Variants in CDH23 observed in about 807,000 individuals in gnomAD.
CDH23 encodes the protein cadherin-23.
Under a neutral mutation model 317.1 loss-of-function variants are expected in CDH23, and 189 were observed. The observed-to-expected ratio is 0.60, with a 90% confidence interval of 0.53 to 0.67. The LOEUF is 0.67. Ranked by LOEUF, CDH23 falls within the 30% of genes least tolerant of loss-of-function variation. CDH23 has a pLI of 0.00. For missense variants in CDH23, 4,401 were observed against 4,592.4 expected, an observed-to-expected ratio of 0.96 and a Z score of 1.20; for synonymous variants, 1,839 against 1,876.8, an observed-to-expected ratio of 0.98 and a Z score of 0.52.
intron 38 of CDH23, among the ~76,000 whole-genome samples, chr10:71,766,358 C>T (rs1036490343): frequency 9.9e-5 from 15 of 152,124 alleles, no homozygotes; most frequent in Admixed American, 3.3e-4. Flanking sequence ...CCAGGCCCCC[C>T]GCCCGCCACC....
At chr10:71,566,629 C>A in intron 6 of CDH23, 113 bp from the exon 7 acceptor site, 1 of 926,074 alleles carries the variant, frequency 1.1e-6, no homozygotes, top group Non-Finnish European at 1.5e-6. Context: ...ATGACAAGGC[C>A]TCGGGTCTGG....
intron 38 of CDH23, among the ~76,000 whole-genome samples, chr10:71,759,900 T>TATATATACACACAC (rs1564779297): frequency 2.2e-5 from 1 of 44,972 alleles, no homozygotes; most frequent in Admixed American, 2.4e-4. Flanking sequence ...CACACACACA[T>TATATATACACACAC]ATATACACAC....
Position 71,759,846 on chromosome 10 carries a change from C to CACAT in CDH23, c.4846-17833_4846-17832insCATA, listed in dbSNP as rs776230069. On this transcript the variant is annotated intron_variant, in intron 38 of 69. Transcript: ENST00000224721. ...ACACACACACACACACACACACACA[C>CACAT]ATATACACACACACACACATATATA... 6.2e-4 allele frequency among the ~76,000 whole-genome samples: 37 copies of CACAT among 59,964 alleles called. 1 individual carries two copies. The highest frequency in any genetic ancestry group is 1.7e-3 in the South Asian group (3 of 1,758). The allele number at this position is 59,964 out of a possible 152,430, so 39.3% of individuals were successfully genotyped here.
rs373711734 is a variant in CDH23 at position 71,562,171 on chromosome 10, A to T, written c.430-4571A>T. ...GAACCCCACCCCAGACACCAGAGCG[A>T]CATCTTCCACTCATTCTCCTTGTCC... is the stretch of plus-strand genomic sequence containing the variant. On this transcript the variant is annotated intron_variant, in intron 6 of 69. Transcript: ENST00000224721. Among the ~76,000 whole-genome samples, 17 of 151,080 alleles carry T rather than the reference A, an allele frequency of 1.1e-4. No individual in the cohort carries two copies. In the East Asian group the frequency reaches 2.2e-3, roughly 19 times the overall value.
intron 25 of CDH23, among the ~76,000 whole-genome samples, chr10:71,705,988 C>T (rs1319288776): frequency 3.9e-5 from 6 of 152,102 alleles, no homozygotes; most frequent in African/African-American, 4.8e-5. Flanking sequence ...CCCATTGGTC[C>T]GAAGCTTGCC....
At chr10:71,570,000 A>C (rs1168588322) in intron 7 of CDH23, among the ~76,000 whole-genome samples, 1 of 152,136 alleles carries the variant, frequency 6.6e-6, no homozygotes, top group Non-Finnish European at 1.5e-5. Context: ...TCCTGGGCTC[A>C]AGTGATTGCC....
Position 71,751,991 on chromosome 10 carries a change from C to G in CDH23, c.4845+10070C>G, listed in dbSNP as rs567964395. 1 of 1,056,092 alleles carries G rather than the reference C, an allele frequency of 9.5e-7. No homozygotes were observed. Among genetic ancestry groups the G allele is most frequent in the East Asian group, 2.6e-5 (1 of 38,700 alleles). The allele number at this position is 1,056,092 out of a possible 1,614,324, so 65.4% of individuals were successfully genotyped here. ...CATCCCCAAGCCTCAGCAGCATCTC[C>G]AAGCAAGAAGGCAGGAGCCAGGCCC... On this transcript the variant is annotated intron_variant, in intron 38 of 69. Transcript: ENST00000224721. This position sits in a 1 kb window ranked among gnomAD's most constrained non-coding sequence, Gnocchi z 4.9.
intron 8 of CDH23, among the ~76,000 whole-genome samples, chr10:71,572,958 G>T (rs1037454884): frequency 1.3e-5 from 2 of 152,188 alleles, no homozygotes; most frequent in African/African-American, 4.8e-5. Flanking sequence ...ATAGAACATG[G>T]CAGTGGCTGG....
At chr10:71,681,379 G>A (rs1281223435) in intron 17 of CDH23, among the ~76,000 whole-genome samples, 1 of 152,136 alleles carries the variant, frequency 6.6e-6, no homozygotes, top group Non-Finnish European at 1.5e-5. Context: ...AAGTACTAAT[G>A]GAGAGATTTC....
chr10:71,779,350 C>A lies in CDH23; in HGVS notation c.5271C>A (p.Gly1757=), dbSNP rs1319305321. The A allele has an allele frequency of 1.2e-6, 2 of 1,613,878 alleles. No homozygotes were observed. The highest frequency in any genetic ancestry group is 1.7e-6 in the Non-Finnish European group (2 of 1,179,902). ...AGGGACCATTTGAAGTCACTGAGGGCCAGCCGGGGCCCAGAGTGTGGACCT... is the reference window on the plus strand; with the variant it reads ...AGGGACCATTTGAAGTCACTGAGGGACAGCCGGGGCCCAGAGTGTGGACCT... The part of the protein sequence containing the change: ...DYEGPFEVTE[G]QPGPRVWTFL... The change falls in exon 41 of 70, where the codon GGC becomes GGA. Residue 1757 remains glycine, a synonymous_variant. Coordinates refer to ENST00000224721, the MANE Select transcript of CDH23 (RefSeq NM_022124.6).
intron 9 of CDH23, among the ~76,000 whole-genome samples, chr10:71,611,164 T>A (rs1411273203): frequency 6.6e-6 from 1 of 150,544 alleles, no homozygotes; most frequent in Non-Finnish European, 1.5e-5. Flanking sequence ...GAAACTTGCA[T>A]GTGTGGCTGC....
At chr10:71,526,653 T>A (rs902843999) in intron 6 of CDH23, among the ~76,000 whole-genome samples, 1 of 152,226 alleles carries the variant, frequency 6.6e-6, no homozygotes, top group South Asian at 2.1e-4. Context: ...TATCTTATCA[T>A]TTCCTTGAAC....
chr10:71,723,003 A>T (rs1335120363), intron 28 of CDH23, among the ~76,000 whole-genome samples: 2 of 152,208 alleles, frequency 1.3e-5, no homozygotes, highest in Non-Finnish European at 2.9e-5. Flanking sequence ...TGATTGGCTC[A>T]GCTTTGATCA....
At chr10:71,698,991 G>A (rs550210502) in intron 22 of CDH23, among the ~76,000 whole-genome samples, 14 of 152,268 alleles carry the variant, frequency 9.2e-5, no homozygotes, top group African/African-American at 1.4e-4. Flanking sequence ...GTCCCCACCC[G>A]ATAGAACTGT....
At chr10:71,761,636 T>C in intron 38 of CDH23, 1 of 1,610,188 alleles carries the variant, frequency 6.2e-7, no homozygotes, top group Non-Finnish European at 8.5e-7. Context: ...ATGGACCCTG[T>C]GCTCCGAGTG....
At position 71,813,359 on chromosome 10, in the gene CDH23, G is replaced by A. The variant is rs1448691834; in HGVS notation, c.9738+11G>A. 6.5e-7 allele frequency: 1 copy of A among 1,548,732 alleles called. No individual in the cohort carries two copies. The highest frequency in any genetic ancestry group is 8.7e-7 in the Non-Finnish European group (1 of 1,144,578). Reference sequence around the variant, plus strand: ...TCCTCCATCTCTGAGGTAGCCGGCTGGGTGGCTGGGAGCTGTGTGCTGTGC... The same window carrying A: ...TCCTCCATCTCTGAGGTAGCCGGCTAGGTGGCTGGGAGCTGTGTGCTGTGC... On this transcript the variant is annotated intron_variant, in intron 69 of 69. Coordinates refer to ENST00000224721, the MANE Select transcript of CDH23 (RefSeq NM_022124.6).
intron 1 of CDH23, among the ~76,000 whole-genome samples, chr10:71,414,368 A>C (rs925150111): frequency 2.0e-5 from 3 of 152,074 alleles, no homozygotes; most frequent in African/African-American, 7.2e-5. Context: ...TTTTTTCATA[A>C]ATGTGCATAG....
chr10:71,655,366 T>C (rs1429397366), intron 14 of CDH23, among the ~76,000 whole-genome samples: 2 of 152,098 alleles, frequency 1.3e-5, no homozygotes, highest in Admixed American at 1.3e-4. Context: ...CTCAGCATTT[T>C]CTTGCCACGG....
intron 2 of CDH23, among the ~76,000 whole-genome samples, chr10:71,442,374 G>T (rs572331044): frequency 3.9e-5 from 6 of 152,156 alleles, no homozygotes; most frequent in African/African-American, 1.2e-4. Context: ...GGGGAGAGTG[G>T]GTGACTGAAC....
Sources: allele counts gnomAD v4.1 joint callset (sites outside exome capture counted in the v4.1 genomes callset), GRCh38; gene constraint gnomAD v4.1.1; non-coding constraint Gnocchi (gnomAD v3.1); transcripts MANE v1.5; gene names NCBI Gene and HGNC (gene_info 2026-07-23, HGNC 2026-07-21).